Variants in SLC6A3 observed in about 807,000 individuals in gnomAD.
The protein encoded by SLC6A3 is sodium-dependent dopamine transporter.
Under a neutral mutation model 70.4 loss-of-function variants are expected in SLC6A3, and 19 were observed. That is an observed-to-expected ratio of 0.27 (90% CI 0.19 to 0.40). The LOEUF (loss-of-function observed/expected upper bound fraction) is 0.40, where lower values mean the gene tolerates loss of function less well. Ranked by LOEUF, SLC6A3 falls within the 10% of genes least tolerant of loss-of-function variation. The probability of loss-of-function intolerance (pLI) is 1.00; values close to 1 mark genes in which losing one functional copy is unlikely to be tolerated. For synonymous variants in SLC6A3, 368 were observed against 356.6 expected (o/e 1.03, Z -0.36); for missense variants, 613 against 838.5 (o/e 0.73, Z 3.32).
chr5:1,426,298 G>A (rs951113841), intron 4 of SLC6A3, among the ~76,000 whole-genome samples: 7 of 152,198 alleles, frequency 4.6e-5, no homozygotes, highest in African/African-American at 9.7e-5. Flanking sequence ...CAGTGCTCTG[G>A]GAAGCTGAGG....
intron 7 of SLC6A3, among the ~76,000 whole-genome samples, chr5:1,415,761 G>A (rs1029901622): frequency 3.3e-4 from 50 of 152,278 alleles, no homozygotes; most frequent in South Asian, 2.1e-3. Context: ...GAGACCCCCC[G>A]GGGCTGGTGT....
chr5:1,417,594 T>C (rs760671021), intron 6 of SLC6A3, among the ~76,000 whole-genome samples: 1 of 152,216 alleles, frequency 6.6e-6, no homozygotes, highest in Non-Finnish European at 1.5e-5. Context: ...GGGTCCACGA[T>C]TGGACCATTG....
Position 1,404,206 on chromosome 5 carries a change from C to T in SLC6A3, c.1600-1117G>A, listed in dbSNP as rs1326239849. ...CTTCGGGCCACTTGTAGGTTTGGAG[C>T]CGGCTAGCGGAGGACTGGGATGGGG... On this transcript the variant is annotated intron_variant, in intron 12 of 14. Coordinates refer to ENST00000270349, the MANE Select transcript of SLC6A3 (RefSeq NM_001044.5). The surrounding 1 kb of genome is among the most constrained non-coding windows in gnomAD (Gnocchi z 5.2). Among the ~76,000 whole-genome samples, 3 of 152,342 alleles carry T rather than the reference C, an allele frequency of 2.0e-5. No homozygotes were observed. The highest frequency in any genetic ancestry group is 7.2e-5 in the African/African-American group (3 of 41,582).
chr5:1,444,292 C>T (rs1285840679), intron 1 of SLC6A3, among the ~76,000 whole-genome samples: 1 of 152,134 alleles, frequency 6.6e-6, no homozygotes, highest in Non-Finnish European at 1.5e-5. Flanking sequence ...TCTACACCGC[C>T]CCAGCCAGGG....
intron 8 of SLC6A3, among the ~76,000 whole-genome samples, chr5:1,414,482 C>CCGGGAGGGGCAGGGAAGGGAAGGCG (rs1560912999): frequency 9.9e-5 from 10 of 101,354 alleles, no homozygotes; most frequent in Admixed American, 2.8e-4. Flanking sequence ...GGGTGGGGGG[C>CCGGGAGGGGCAGGGAAGGGAAGGCG]CTGGAGGGTC....
intron 11 of SLC6A3, among the ~76,000 whole-genome samples, chr5:1,407,165 G>C (rs1156618540): frequency 6.6e-6 from 1 of 152,192 alleles, no homozygotes; most frequent in South Asian, 2.1e-4. Context: ...AAGACCTTAA[G>C]AGTGGTTTCT....
At chr5:1,424,760 C>T (rs116424405) in intron 4 of SLC6A3, among the ~76,000 whole-genome samples, 2 of 152,220 alleles carry the variant, frequency 1.3e-5, no homozygotes, top group Non-Finnish European at 2.9e-5. Context: ...CAACTTCAGA[C>T]GCAGCACCTT....
chr5:1,433,066 C>T (rs745965106), intron 3 of SLC6A3, among the ~76,000 whole-genome samples: 2 of 152,048 alleles, frequency 1.3e-5, no homozygotes, highest in Non-Finnish European at 2.9e-5. Context: ...CACCCCCAGC[C>T]ACATATGGTC....
intron 4 of SLC6A3, among the ~76,000 whole-genome samples, chr5:1,425,193 G>T (rs759319293): frequency 7.9e-5 from 12 of 152,234 alleles, no homozygotes; most frequent in Non-Finnish European, 1.8e-4. Context: ...TGACAGTGGA[G>T]CCACTGGTGG....
intron 9 of SLC6A3, 88 bp from the exon 10 acceptor site, chr5:1,409,937 C>A: frequency 3.2e-6 from 5 of 1,546,034 alleles, no homozygotes; most frequent in Non-Finnish European, 4.4e-6. Context: ...CCAGTGGACG[C>A]ACACCCGGGG....
intron 3 of SLC6A3, among the ~76,000 whole-genome samples, chr5:1,439,329 T>TGGGGGG (rs1756916816): frequency 4.3e-4 from 2 of 4,660 alleles, no homozygotes; most frequent in Non-Finnish European, 8.7e-4. Flanking sequence ...GGGGTGGGGG[T>TGGGGGG]GGGGGTGGGG....
chr5:1,434,260 C>T (rs1756777984), intron 3 of SLC6A3, among the ~76,000 whole-genome samples: 1 of 152,238 alleles, frequency 6.6e-6, no homozygotes, highest in Admixed American at 6.5e-5. Context: ...TTCCTTGGGC[C>T]ACCCAGAGCC....
At chr5:1,400,147 C>G (rs1428329083) in intron 14 of SLC6A3, among the ~76,000 whole-genome samples, 2 of 152,218 alleles carry the variant, frequency 1.3e-5, no homozygotes, top group Non-Finnish European at 2.9e-5. Flanking sequence ...TGTATGGAAT[C>G]AGGTCGGGGC....
At position 1,416,228 on chromosome 5, in the gene SLC6A3, C is replaced by T. The variant is rs1448650933; in HGVS notation, c.928-27G>A. The T allele has an allele frequency of 3.8e-6, 6 of 1,577,146 alleles. No homozygotes were observed. The East Asian group carries it at 1.1e-4, about 29-fold the overall frequency. On this transcript the variant is annotated intron_variant, in intron 6 of 14. Transcript: ENST00000270349. Reference sequence around the variant, plus strand: ...TGCAGAGCCAGAGGGCGGTGAGAGGCTGTCCCAGGAGAACGCAGGCCACAG... The same window carrying T: ...TGCAGAGCCAGAGGGCGGTGAGAGGTTGTCCCAGGAGAACGCAGGCCACAG...
chr5:1,401,326 G>A lies in SLC6A3; in HGVS notation c.1768-340C>T. ...TGAGTCTAAGCTACCACGTGTGCTG[G>A]GCTCTGAGTAAGAAAGTGCCCACAC... is the stretch of plus-strand genomic sequence containing the variant. On this transcript the variant is annotated intron_variant, in intron 13 of 14. Transcript: ENST00000270349. The surrounding 1 kb of genome is among the most constrained non-coding windows in gnomAD (Gnocchi z 6.1). 1 of 535,254 alleles carries A rather than the reference G, an allele frequency of 1.9e-6. No individual in the cohort carries two copies. Among genetic ancestry groups the A allele is most frequent in the South Asian group, 1.5e-5 (1 of 64,974 alleles). The allele number at this position is 535,254 out of a possible 1,614,324, so 33.2% of individuals were successfully genotyped here.
At chr5:1,430,249 C>T (rs1231826332) in intron 4 of SLC6A3, among the ~76,000 whole-genome samples, 1 of 152,152 alleles carries the variant, frequency 6.6e-6, no homozygotes, top group Non-Finnish European at 1.5e-5. Flanking sequence ...GTGGCACCGT[C>T]CTCCTCAGAG....
chr5:1,400,733 C>A (rs1755829065), intron 14 of SLC6A3, among the ~76,000 whole-genome samples, 182 bp downstream of exon 14: 1 of 152,202 alleles, frequency 6.6e-6, no homozygotes, highest in Non-Finnish European at 1.5e-5. Flanking sequence ...TGCCCCCCGT[C>A]CCGGGCACAC....
chr5:1,444,000 G>A (rs915075084), intron 1 of SLC6A3, among the ~76,000 whole-genome samples: 1 of 152,154 alleles, frequency 6.6e-6, no homozygotes, highest in Non-Finnish European at 1.5e-5. Context: ...GCCTGGGCTT[G>A]TATTGTTTAT....
chr5:1,435,480 C>T (rs1016019935), intron 3 of SLC6A3, among the ~76,000 whole-genome samples: 3 of 152,258 alleles, frequency 2.0e-5, no homozygotes, highest in African/African-American at 7.2e-5. Context: ...TCCAGAGCCA[C>T]TGCTTTTGTT....
Sources: gnomAD v4.1 joint callset for allele counts (sites outside exome capture counted in the v4.1 genomes callset) on GRCh38, gnomAD v4.1.1 for gene constraint, Gnocchi (gnomAD v3.1) non-coding constraint, MANE v1.5 for transcripts, NCBI Gene and HGNC (gene_info 2026-07-23, HGNC 2026-07-21) for gene names.